The following DPP6 variants were observed in gnomAD, a reference collection of about 807,000 sequenced individuals.
DPP6 encodes the protein dipeptidyl peptidase like 6, also known as A-type potassium channel modulatory protein DPP6.
Under a neutral mutation model 122.6 loss-of-function variants are expected in DPP6, and 69 were observed. That is an observed-to-expected ratio of 0.56 (90% CI 0.46 to 0.69). The LOEUF is 0.69. DPP6 is among the 30% of genes least tolerant of loss of function. The pLI is 0.00. For synonymous variants in DPP6, 418 were observed against 433.1 expected (o/e 0.97, Z 0.43); for missense variants, 928 against 1,116.9 (o/e 0.83, Z 2.41).
chr7:154,571,100 A>G (rs1831082890), intron 5 of DPP6, among the ~76,000 whole-genome samples: 1 of 152,192 alleles, frequency 6.6e-6, no homozygotes. Context: ...CTCAGTGTAC[A>G]CTTCCTGAAT....
At chr7:154,137,658 T>TGGGGGG (rs1163077821) in intron 1 of DPP6, among the ~76,000 whole-genome samples, 2 of 48,414 alleles carry the variant, frequency 4.1e-5, no homozygotes, top group African/African-American at 7.4e-5. Context: ...GGTGGGGGGG[T>TGGGGGG]GGGGGGGGTG....
At chr7:154,033,887 G>A (rs185593999) in intron 1 of DPP6, among the ~76,000 whole-genome samples, 6 of 152,138 alleles carry the variant, frequency 3.9e-5, no homozygotes, top group Middle Eastern at 3.4e-3. Context: ...GTTCATTCTA[G>A]TATCACATGG....
At chr7:154,319,461 A>G (rs551327675) in intron 1 of DPP6, among the ~76,000 whole-genome samples, 10 of 152,318 alleles carry the variant, frequency 6.6e-5, no homozygotes, top group African/African-American at 2.4e-4. Context: ...TGGGAGGCCG[A>G]GGCGGGTGGA....
In DPP6 at chr7:154,377,820, C is replaced by A. The variant is rs367949230; in HGVS notation, c.244-68394C>A. Among the ~76,000 whole-genome samples, 4 of 152,218 alleles carry A rather than the reference C, an allele frequency of 2.6e-5. No individual in the cohort carries two copies. In the East Asian group the frequency reaches 7.7e-4, roughly 29 times the overall value. ...ATAGCAGTATGAAAATGGGCTGATA[C>A]AATCACTATTCAATATAGCTTCTAA... On this transcript the variant is annotated intron_variant, in intron 1 of 25. Coordinates refer to ENST00000377770, the MANE Select transcript of DPP6 (RefSeq NM_130797.4).
At chr7:153,810,955 T>G in the DPP6 span, among the ~76,000 whole-genome samples, 5 of 152,160 alleles carry the variant, frequency 3.3e-5, no homozygotes, top group Admixed American at 6.5e-5. Flanking sequence ...AGTGCATAGT[T>G]TAAACACATG....
At chr7:154,651,247 A>G (rs1232995380) in intron 6 of DPP6, among the ~76,000 whole-genome samples, 1 of 152,150 alleles carries the variant, frequency 6.6e-6, no homozygotes, top group African/African-American at 2.4e-5. Flanking sequence ...TCTGATTGTC[A>G]AGGAATTTCC....
intron 1 of DPP6, among the ~76,000 whole-genome samples, chr7:154,121,659 A>G (rs1344452090): frequency 6.6e-6 from 1 of 152,190 alleles, no homozygotes; most frequent in African/African-American, 2.4e-5. Flanking sequence ...GTTGATTTCA[A>G]CCTTTTAAAA....
chr7:154,701,146 G>A (rs1009589083), intron 7 of DPP6, among the ~76,000 whole-genome samples: 1 of 152,164 alleles, frequency 6.6e-6, no homozygotes, highest in African/African-American at 2.4e-5. Context: ...CCCAGGTGAA[G>A]GTCAGGCCGC....
At chr7:154,715,007 C>G (rs1213520017) in intron 7 of DPP6, among the ~76,000 whole-genome samples, 2 of 151,854 alleles carry the variant, frequency 1.3e-5, no homozygotes, top group Admixed American at 1.3e-4. Context: ...ACCTGGTAGG[C>G]TCAGAAGAAG....
intron 3 of DPP6, among the ~76,000 whole-genome samples, chr7:154,479,615 C>G (rs1276461809): frequency 6.6e-6 from 1 of 151,512 alleles, no homozygotes; most frequent in Admixed American, 6.6e-5. Flanking sequence ...TGGGCTCCCT[C>G]TCAAAGAGGT....
chr7:154,053,891 G>A (rs902644325), intron 1 of DPP6, among the ~76,000 whole-genome samples: 3 of 147,456 alleles, frequency 2.0e-5, no homozygotes, highest in African/African-American at 7.6e-5. Context: ...GACAGGAGCC[G>A]GACCTTAGAT....
chr7:154,732,571 G>C (rs771828645), intron 8 of DPP6, among the ~76,000 whole-genome samples: 2 of 152,170 alleles, frequency 1.3e-5, no homozygotes, highest in Non-Finnish European at 2.9e-5. Context: ...AAGGGCAGTG[G>C]AGGTAGAGTG....
intron 25 of DPP6, 66 bp from the exon 26 acceptor site, chr7:154,892,268 C>T (rs1806677704): frequency 1.2e-6 from 2 of 1,607,232 alleles, no homozygotes. Flanking sequence ...TCCACACCTT[C>T]TGTGCGTTCC....
chr7:154,224,369 C>T (rs1431765962), intron 1 of DPP6, among the ~76,000 whole-genome samples: 2 of 148,606 alleles, frequency 1.3e-5, no homozygotes, highest in African/African-American at 5.2e-5. Context: ...ATCCATGTGG[C>T]AAGGTGACCC....
chr7:154,855,468 G>A (rs993128155), intron 17 of DPP6, among the ~76,000 whole-genome samples: 2 of 152,200 alleles, frequency 1.3e-5, no homozygotes, highest in Non-Finnish European at 2.9e-5. Context: ...CCAGCAAAAA[G>A]GTTCACCTGC....
In DPP6 at chr7:154,532,438, A is replaced by G. The variant is rs546135383; in HGVS notation, c.458-8094A>G. Among the ~76,000 whole-genome samples, 6 of 152,254 alleles carry G rather than the reference A, an allele frequency of 3.9e-5. No homozygotes were observed. The South Asian group carries it at 1.0e-3, about 26-fold the overall frequency. On this transcript the variant is annotated intron_variant, in intron 3 of 25. Coordinates refer to ENST00000377770, the MANE Select transcript of DPP6 (RefSeq NM_130797.4). ...GGCTTTCATCTTAACAAGCTAGAAGAAAAGAAGTAAATTAAAAGTGAAGCA... is the reference window on the plus strand; with the variant it reads ...GGCTTTCATCTTAACAAGCTAGAAGGAAAGAAGTAAATTAAAAGTGAAGCA...
At chr7:154,397,214 C>T (rs1215781379) in intron 1 of DPP6, among the ~76,000 whole-genome samples, 1 of 150,590 alleles carries the variant, frequency 6.6e-6, no homozygotes, top group Non-Finnish European at 1.5e-5. Context: ...AATGAAGGCA[C>T]TTCTGATGTT....
chr7:154,188,183 A>G (rs1798442707), intron 1 of DPP6, among the ~76,000 whole-genome samples: 1 of 152,128 alleles, frequency 6.6e-6, no homozygotes, highest in Non-Finnish European at 1.5e-5. Context: ...TGACTTCCCA[A>G]GCTAGAGACT....
chr7:154,507,256 A>C (rs180902481), intron 3 of DPP6, among the ~76,000 whole-genome samples: 148 of 150,860 alleles, frequency 9.8e-4, no homozygotes, highest in Non-Finnish European at 1.6e-3. Context: ...TAATCAAATA[A>C]AGAGTTTTAA....
Sources: allele counts gnomAD v4.1 joint callset (sites outside exome capture counted in the v4.1 genomes callset), GRCh38; gene constraint gnomAD v4.1.1; transcripts MANE v1.5; gene names NCBI Gene and HGNC (gene_info 2026-07-23, HGNC 2026-07-21).